Variants in FLT1 observed in about 807,000 individuals in gnomAD.
FLT1 encodes the protein fms related receptor tyrosine kinase 1.
Under a neutral mutation model 156.3 loss-of-function variants are expected in FLT1, and 49 were observed. The observed-to-expected ratio is 0.31, with a 90% confidence interval of 0.25 to 0.40. The LOEUF (loss-of-function observed/expected upper bound fraction) is 0.40. Among genes scored for constraint, FLT1 ranks in the 10% least tolerant of loss-of-function variants. The pLI, the probability that FLT1 is intolerant of heterozygous loss-of-function variation, is 1.00. For missense variants in FLT1, 1,322 were observed against 1,637.2 expected (o/e 0.81, Z 3.32); for synonymous variants, 594 against 583.8 (o/e 1.02, Z -0.25).
rs757576314 is a variant in FLT1 at position 28,389,721 on chromosome 13, G to A, written c.1969+75C>T. On this transcript the variant is annotated intron_variant, in intron 13 of 29. Coordinates refer to ENST00000282397, the MANE Select transcript of FLT1 (RefSeq NM_002019.4). ...GTCCTTTAATGTTTTACATTACTTT[G>A]TGTGGTACAATCATTCCTTGTGCTT... is the stretch of plus-strand genomic sequence containing the variant. 6 of 1,611,668 alleles carry A rather than the reference G, an allele frequency of 3.7e-6. No individual in the cohort carries two copies. The South Asian group carries it at 5.5e-5, about 15-fold the overall frequency.
chr13:28,356,780 C>T (rs1039861413), intron 15 of FLT1, among the ~76,000 whole-genome samples: 5 of 152,306 alleles, frequency 3.3e-5, no homozygotes, highest in African/African-American at 1.2e-4. Flanking sequence ...TCACGTAAAA[C>T]CTCAATATGC....
intron 10 of FLT1, among the ~76,000 whole-genome samples, chr13:28,415,484 T>C (rs1876595193): frequency 6.6e-6 from 1 of 151,270 alleles, no homozygotes; most frequent in Admixed American, 6.6e-5. Context: ...TCCATCTTAA[T>C]AATAATAATA....
At chr13:28,448,793 G>A (rs879927453) in intron 3 of FLT1, among the ~76,000 whole-genome samples, 2 of 152,150 alleles carry the variant, frequency 1.3e-5, no homozygotes, top group Non-Finnish European at 2.9e-5. Context: ...CAGAGGTTTA[G>A]TCTCTTTCTT....
rs1019639593 is a variant in FLT1 at position 28,370,870 on chromosome 13, A to G, written c.2117-13185T>C. 3.3e-5 allele frequency among the ~76,000 whole-genome samples: 5 copies of G among 152,326 alleles called. No individual in the cohort carries two copies. In the East Asian group the frequency reaches 9.6e-4, roughly 29 times the overall value. ...TCCCGAAGAAGATGGCCAGTCACCT[A>G]CAGGGCTTTTTTTGTGTGTGATGAA... On this transcript the variant is annotated intron_variant, in intron 14 of 29. Coordinates refer to ENST00000282397, the MANE Select transcript of FLT1 (RefSeq NM_002019.4).
intron 14 of FLT1, among the ~76,000 whole-genome samples, chr13:28,382,066 A>G (rs771422312): frequency 8.5e-5 from 13 of 152,192 alleles, no homozygotes; most frequent in Non-Finnish European, 1.8e-4. Flanking sequence ...AAAATACATA[A>G]GAGAGGAGTA....
chr13:28,333,477 G>A (rs1373258020), intron 18 of FLT1, among the ~76,000 whole-genome samples: 5 of 152,236 alleles, frequency 3.3e-5, no homozygotes. Flanking sequence ...GTGCTTCACA[G>A]AGTAGTAGTA....
intron 3 of FLT1, among the ~76,000 whole-genome samples, chr13:28,448,669 C>T (rs1878750100): frequency 6.6e-6 from 1 of 152,074 alleles, no homozygotes; most frequent in Non-Finnish European, 1.5e-5. Context: ...CTAAAATTGA[C>T]CGTGATGATG....
intron 1 of FLT1, among the ~76,000 whole-genome samples, chr13:28,471,136 C>T (rs952959927): frequency 3.3e-5 from 5 of 152,016 alleles, no homozygotes; most frequent in Non-Finnish European, 4.4e-5. Context: ...TAAAAAAAAG[C>T]GTTGCCACAT....
chr13:28,319,530 C>T lies in FLT1; in HGVS notation c.3179G>A (p.Arg1060Gln), dbSNP rs753623232. ...AGGAGCCATCCATTTCAGAGGAAGT[C>T]GAGTCTAGAAGAGGGCAAGGGGGCC... ...NPDYVRKGDT[R>Q]LPLKWMAPES... Residue 1060 changes from arginine (R) to glutamine (Q), a missense_variant, in exon 24 of 30, where the codon CGA (arginine) becomes CAA (glutamine). This residue lies in a region of FLT1 where 329 missense variants were observed against 366.2 expected (regional missense o/e 0.90). Coordinates refer to ENST00000282397, the MANE Select transcript of FLT1 (RefSeq NM_002019.4). 1.3e-4 allele frequency: 216 copies of T among 1,609,518 alleles called. No individual in the cohort carries two copies. Among genetic ancestry groups the T allele is most frequent in the Non-Finnish European group, 1.7e-4 (205 of 1,176,314 alleles).
intron 17 of FLT1, among the ~76,000 whole-genome samples, chr13:28,335,039 G>A (rs557540167): frequency 6.6e-6 from 1 of 152,230 alleles, no homozygotes; most frequent in Admixed American, 6.5e-5. Context: ...GTAACTAGAG[G>A]GGCCCATGGG....
At chr13:28,321,223 C>T (rs557361238) in intron 23 of FLT1, among the ~76,000 whole-genome samples, 5 of 152,294 alleles carry the variant, frequency 3.3e-5, no homozygotes, top group Non-Finnish European at 7.4e-5. Flanking sequence ...TCTCACGCAG[C>T]GCTGCCCAAA....
At chr13:28,481,327 G>GA (rs752731601) in intron 1 of FLT1, among the ~76,000 whole-genome samples, 197 of 152,176 alleles carry the variant, frequency 1.3e-3, no homozygotes, top group Admixed American at 2.0e-3. Flanking sequence ...CCAAAAATGA[G>GA]AAAATGGTCA....
chr13:28,406,917 G>A (rs1314340130), intron 10 of FLT1, among the ~76,000 whole-genome samples: 3 of 152,180 alleles, frequency 2.0e-5, no homozygotes, highest in Non-Finnish European at 4.4e-5. Context: ...AGACAGAAGG[G>A]AATGTGGTCA....
intron 11 of FLT1, among the ~76,000 whole-genome samples, chr13:28,402,432 A>T (rs1566005958): frequency 6.6e-6 from 1 of 152,188 alleles, no homozygotes; most frequent in Non-Finnish European, 1.5e-5. Context: ...CCACAAAAAG[A>T]TATATTAGTA....
At chr13:28,339,880 G>A (rs1473813870) in intron 16 of FLT1, among the ~76,000 whole-genome samples, 3 of 152,170 alleles carry the variant, frequency 2.0e-5, no homozygotes, top group African/African-American at 7.2e-5. Flanking sequence ...AAAGGTTGTA[G>A]CTGAATCCTG....
intron 1 of FLT1, among the ~76,000 whole-genome samples, chr13:28,489,829 C>T (rs1881372964): frequency 6.6e-6 from 1 of 152,154 alleles, no homozygotes; most frequent in Non-Finnish European, 1.5e-5. Context: ...ATACCAAGTG[C>T]TCGTAAGGAA....
intron 13 of FLT1, chr13:28,386,518 T>C (rs1874374008): frequency 9.5e-7 from 1 of 1,050,414 alleles, no homozygotes; most frequent in Admixed American, 5.5e-5. Context: ...TTCAAACTAG[T>C]GTAGAATGAA....
At chr13:28,333,959 G>A in intron 18 of FLT1, 66 bp downstream of exon 18, 1 of 1,002,634 alleles carries the variant, frequency 1.0e-6, no homozygotes, top group Non-Finnish European at 1.6e-6. Flanking sequence ...TATCTAACTT[G>A]TACCAACATT....
chr13:28,412,381 T>TTTCCTTCTTTCTTTCTTTCTTTCC (rs771570277), intron 10 of FLT1, among the ~76,000 whole-genome samples: 1 of 88,208 alleles, frequency 1.1e-5, no homozygotes, highest in East Asian at 3.4e-4. Context: ...TCTTTCTTTC[T>TTTCCTTCTTTCTTTCTTTCTTTCC]TTCTTTCTTT....
Sources: gnomAD v4.1 joint callset for allele counts (sites outside exome capture counted in the v4.1 genomes callset) on GRCh38, gnomAD v4.1.1 for gene constraint, gnomAD v4.1.1 regional missense constraint, MANE v1.5 for transcripts, NCBI Gene and HGNC (gene_info 2026-07-23, HGNC 2026-07-21) for gene names.